PUSL1: variants seen among roughly 807,000 people sequenced by gnomAD.
The protein encoded by PUSL1 is tRNA pseudouridine synthase-like 1.
Under a neutral mutation model 30.7 loss-of-function variants are expected in PUSL1, and 51 were observed. The observed-to-expected ratio is 1.66, with a 90% CI of 1.33 to 2.10. PUSL1 has a LOEUF of 2.10. PUSL1 is among the 30% of genes most tolerant of loss of function. The pLI, the probability that PUSL1 is intolerant of heterozygous loss-of-function variation, is 0.00. For missense variants in PUSL1, 609 were observed against 427.6 expected, an observed-to-expected ratio of 1.42 and a Z score of -3.74; for synonymous variants, 290 against 192.1, an observed-to-expected ratio of 1.51 and a Z score of -4.21.
intron 5 of PUSL1, 71 bp from the exon 6 acceptor site, chr1:1,310,563 C>T: frequency 2.4e-6 from 3 of 1,246,414 alleles, no homozygotes; most frequent in Non-Finnish European, 3.4e-6. Flanking sequence ...ACTCTCCCGT[C>T]CAAGGCCACA....
In PUSL1 at chr1:1,309,201, C is replaced by G. The variant is rs777520065; in HGVS notation, c.251C>G (p.Ser84Ter). Reference protein sequence around the residue: ...NAAHLDVQRRSGRPPFPPEVL... With the variant: ...NAAHLDVQRR Reference sequence around the variant, plus strand: ...GCGCACCTGGACGTCCAGCGCCGCTCAGGCCGGCCGCCCTTCCCGCCCGAG... The same window carrying G: ...GCGCACCTGGACGTCCAGCGCCGCTGAGGCCGGCCGCCCTTCCCGCCCGAG... The change falls in exon 3 of 8, where the codon TCA becomes TGA. Residue 84 changes from serine to a stop codon, truncating the protein, a stop_gained. Transcript: ENST00000379031. LOFTEE classifies it high-confidence loss of function. The G allele has an allele frequency of 5.8e-5, 89 of 1,531,726 alleles. No homozygotes were observed. In the Admixed American group the frequency reaches 1.3e-3, roughly 23 times the overall value. 94.9% of individuals were successfully genotyped at this position (1,531,726 alleles called of 1,614,324 possible).
At position 1,308,710 on chromosome 1, in the gene PUSL1, A is replaced by T; in HGVS notation, c.67A>T (p.Thr23Ser). 1 of 1,555,704 alleles carries T rather than the reference A, an allele frequency of 6.4e-7. No individual in the cohort carries two copies. Residue 23 changes from threonine (T) to serine (S), a missense_variant, in exon 1 of 8, where the codon ACC (threonine) becomes TCC (serine). Physicochemically the swap from Thr to Ser is moderately conservative, Grantham distance 58. Coordinates refer to ENST00000379031, the MANE Select transcript of PUSL1 (RefSeq NM_153339.3). ...RYLVYFQYVGTDFNGVAAVRG... is the reference protein window; with the variant it reads ...RYLVYFQYVGSDFNGVAAVRG... Reference sequence around the variant, plus strand: ...TCTTGTGTACTTCCAGTACGTGGGCACCGACTTTAAGTAGGTTTCCCAGGC... The same window carrying T: ...TCTTGTGTACTTCCAGTACGTGGGCTCCGACTTTAAGTAGGTTTCCCAGGC...
rs761738651 is a variant in PUSL1, at chr1:1,309,450, A to G, written c.324-4A>G. ...CCTCCGGTGAGCTTTACCTGCCGCC[A>G]TAGGGTCCTGCGGGCCTTCCGAGTG... On this transcript the variant is annotated splice_region_variant and splice_polypyrimidine_tract_variant and intron_variant, in intron 3 of 7. Coordinates refer to ENST00000379031, the MANE Select transcript of PUSL1 (RefSeq NM_153339.3). 8.8e-6 allele frequency: 14 copies of G among 1,595,516 alleles called. No individual in the cohort carries two copies. The highest frequency in any genetic ancestry group is 9.4e-6 in the Non-Finnish European group (11 of 1,171,256).
Position 1,309,229 on chromosome 1 carries a change from C to T in PUSL1, c.279C>T (p.Val93=), listed in dbSNP as rs1165153470. ...RSGRPPFPPE[V]LAEALNTHLR... Reference sequence around the variant, plus strand: ...GCCGGCCGCCCTTCCCGCCCGAGGTCCTGGCCGAGGCCCTCAACACACACC... The same window carrying T: ...GCCGGCCGCCCTTCCCGCCCGAGGTTCTGGCCGAGGCCCTCAACACACACC... Residue 93 remains valine, a synonymous_variant, in exon 3 of 8, where the codon GTC becomes GTT. Coordinates refer to ENST00000379031, the MANE Select transcript of PUSL1 (RefSeq NM_153339.3). 5 of 1,518,462 alleles carry T rather than the reference C, an allele frequency of 3.3e-6. No homozygotes were observed. Among genetic ancestry groups the T allele is most frequent in the African/African-American group, 1.4e-5 (1 of 72,332 alleles). 94.1% of individuals were successfully genotyped at this position (1,518,462 alleles called of 1,614,324 possible).
intron 3 of PUSL1, 38 bp from the exon 4 acceptor site, chr1:1,309,415 CG>C: frequency 6.5e-7 from 1 of 1,547,544 alleles, no homozygotes; most frequent in Non-Finnish European, 8.7e-7. Flanking sequence ...CGCGGGCGGG[CG>C]GGGTCGTTCC....
chr1:1,310,596 A>G (rs1292040111), intron 5 of PUSL1, 38 bp from the exon 6 acceptor site: 4 of 1,467,658 alleles, frequency 2.7e-6, no homozygotes, highest in Non-Finnish European at 2.8e-6. Context: ...GATGGCAAAC[A>G]CTGCCCCACA....
intron 5 of PUSL1, chr1:1,310,247 G>A (rs1335602197): frequency 2.0e-5 from 7 of 342,316 alleles, no homozygotes; most frequent in African/African-American, 6.3e-5. Context: ...CCTGAAGGGG[G>A]GAAGAACTTC....
At position 1,309,291 on chromosome 1, in the gene PUSL1, G is replaced by A. The variant is rs774706740; in HGVS notation, c.323+18G>A. 45 of 1,470,386 alleles carry A rather than the reference G, an allele frequency of 3.1e-5. No homozygotes were observed. Among genetic ancestry groups the A allele is most frequent in the Non-Finnish European group, 3.6e-5 (40 of 1,111,102 alleles). The allele number at this position is 1,470,386 out of a possible 1,614,324, so 91.1% of individuals were successfully genotyped here. ...GCCATCAGGTGAGCCCGCGACCTAAGCAGCCCTGGGGCTGTGCCTTCCCGA... is the reference window on the plus strand; with the variant it reads ...GCCATCAGGTGAGCCCGCGACCTAAACAGCCCTGGGGCTGTGCCTTCCCGA... On this transcript the variant is annotated intron_variant, in intron 3 of 7. Coordinates refer to ENST00000379031, the MANE Select transcript of PUSL1 (RefSeq NM_153339.3).
Position 1,309,768 on chromosome 1 carries a change from G to C in PUSL1, c.561G>C (p.Pro187=). 1 of 1,574,912 alleles carries C rather than the reference G, an allele frequency of 6.3e-7. No homozygotes were observed. Among genetic ancestry groups the C allele is most frequent in the Middle Eastern group, 1.7e-4 (1 of 6,018 alleles). ...DFSAFQSAGS[P]VPSPVRTLRR... is the part of the protein sequence containing the mutation. ...GCGCCTTCCAGTCCGCTGGCAGCCCGGTGCCGAGCCCCGTGCGAACGCTGC... is the reference window on the plus strand; with the variant it reads ...GCGCCTTCCAGTCCGCTGGCAGCCCCGTGCCGAGCCCCGTGCGAACGCTGC... The change falls in exon 5 of 8, where the codon CCG becomes CCC. Residue 187 remains proline, a synonymous_variant. Coordinates refer to ENST00000379031, the MANE Select transcript of PUSL1 (RefSeq NM_153339.3).
rs901233168 is a variant in PUSL1 at position 1,309,472 on chromosome 1, A to C, written c.342A>C (p.Arg114=). 3.8e-5 allele frequency: 61 copies of C among 1,605,234 alleles called. No individual in the cohort carries two copies. Among genetic ancestry groups the C allele is most frequent in the Non-Finnish European group, 5.1e-5 (60 of 1,176,572 alleles). The change falls in exon 4 of 8, where the codon CGA becomes CGC. Residue 114 remains arginine (R), a synonymous_variant. Transcript: ENST00000379031. The stretch of plus-strand genomic sequence containing the variant: ...GCCATAGGGTCCTGCGGGCCTTCCG[A>C]GTGCCCAGCGACTTCCACGCTCGTC... The part of the protein sequence containing the change: ...HPAIRVLRAF[R]VPSDFHARHA...
Position 1,309,666 on chromosome 1 carries a change from C to G in PUSL1, c.474-15C>G. The G allele has an allele frequency of 6.3e-7, 1 of 1,596,278 alleles. No homozygotes were observed. Among genetic ancestry groups the G allele is most frequent in the Non-Finnish European group, 8.6e-7 (1 of 1,167,464 alleles). On this transcript the variant is annotated splice_polypyrimidine_tract_variant and intron_variant, in intron 4 of 7. Coordinates refer to ENST00000379031, the MANE Select transcript of PUSL1 (RefSeq NM_153339.3). ...GCCGGCCCCACCCTCCTGACGGTCA[C>G]CCTGGTCCCTGAAGCTGCCTGGATA...
Position 1,311,347 on chromosome 1 carries a change from C to G in PUSL1, c.880C>G (p.Leu294Val), listed in dbSNP as rs745791371. 5 of 1,592,014 alleles carry G rather than the reference C, an allele frequency of 3.1e-6. No individual in the cohort carries two copies. The highest frequency in any genetic ancestry group is 1.7e-5 in the Admixed American group (1 of 58,778). ...YGNLGAASCT[L>V]QGPQFGSHG The stretch of plus-strand genomic sequence containing the variant: ...GTCCACAGGTGCTGCCTCCTGCACC[C>G]TGCAGGGGCCACAGTTCGGGAGCCA... The change falls in exon 8 of 8, where the codon CTG (leucine) becomes GTG (valine). Residue 294 changes from leucine to valine, a missense_variant. Coordinates refer to ENST00000379031, the MANE Select transcript of PUSL1 (RefSeq NM_153339.3).
At position 1,308,632 on chromosome 1, in the gene PUSL1, C is replaced by T; in HGVS notation, c.-12C>T. ...TGGAGGCCGCCTCTGACGCCACCGG[C>T]TGGGCTCCGCCATGAGTTCGGCGCC... is the stretch of plus-strand genomic sequence containing the variant. On this transcript the variant is annotated 5_prime_UTR_variant, in exon 1 of 8. Coordinates refer to ENST00000379031, the MANE Select transcript of PUSL1 (RefSeq NM_153339.3). 2.7e-6 allele frequency: 4 copies of T among 1,478,124 alleles called. No homozygotes were observed. Among genetic ancestry groups the T allele is most frequent in the Non-Finnish European group, 3.6e-6 (4 of 1,114,854 alleles). 91.6% of individuals were successfully genotyped at this position (1,478,124 alleles called of 1,614,324 possible).
rs201576432 is a variant in PUSL1 at position 1,309,778 on chromosome 1, C to G, written c.571C>G (p.Pro191Ala). 1.4e-4 allele frequency: 218 copies of G among 1,566,864 alleles called. No individual in the cohort carries two copies. The African/African-American group carries it at 2.3e-3, about 17-fold the overall frequency. The part of the protein sequence containing the change: ...FQSAGSPVPS[P>A]VRTLRRVSVS... ...GTCCGCTGGCAGCCCGGTGCCGAGC[C>G]CCGTGCGAACGCTGCGCCGGGTCTC... The change falls in exon 5 of 8, where the codon CCC (proline) becomes GCC (alanine). Residue 191 changes from proline (P) to alanine (A), a missense_variant. Coordinates refer to ENST00000379031, the MANE Select transcript of PUSL1 (RefSeq NM_153339.3).
At chr1:1,310,537 T>G in intron 5 of PUSL1, 97 bp from the exon 6 acceptor site, 1 of 992,864 alleles carries the variant, frequency 1.0e-6, no homozygotes, top group Non-Finnish European at 1.5e-6. Context: ...AGGCTCGTCT[T>G]TAGGCCCACC....
At chr1:1,310,612 C>T (rs756645229) in intron 5 of PUSL1, 22 bp from the exon 6 acceptor site, 11 of 1,526,036 alleles carry the variant, frequency 7.2e-6, no homozygotes, top group Admixed American at 3.7e-5. Flanking sequence ...CCACAGACAC[C>T]TACAGGTACG....
chr1:1,309,797 G>T lies in PUSL1; in HGVS notation c.590G>T (p.Arg197Leu). 1 of 1,555,224 alleles carries T rather than the reference G, an allele frequency of 6.4e-7. No individual in the cohort carries two copies. Among genetic ancestry groups the T allele is most frequent in the Non-Finnish European group, 8.7e-7 (1 of 1,149,506 alleles). ...PVPSPVRTLR[R>L]VSVSPGQASP... is the part of the protein sequence containing the mutation. Reference sequence around the variant, plus strand: ...CCGAGCCCCGTGCGAACGCTGCGCCGGGTCTCCGTTTCCCCAGGCCAAGCC... The same window carrying T: ...CCGAGCCCCGTGCGAACGCTGCGCCTGGTCTCCGTTTCCCCAGGCCAAGCC... Residue 197 changes from arginine (R) to leucine (L), a missense_variant, in exon 5 of 8, where the codon CGG becomes CTG. By Grantham distance (102) the Arg-to-Leu change is moderately radical (BLOSUM62 -2). Coordinates refer to ENST00000379031, the MANE Select transcript of PUSL1 (RefSeq NM_153339.3).
rs371240561 is a variant in PUSL1, at chr1:1,310,694, C to T, written c.699+6C>T. On this transcript the variant is annotated splice_donor_region_variant and intron_variant, in intron 6 of 7. Coordinates refer to ENST00000379031, the MANE Select transcript of PUSL1 (RefSeq NM_153339.3). ...AGTCTTTCCTGTATAGACAGGTAGGCTCTGTTCTGGGGCCGTCCCCAGGGG... is the reference window on the plus strand; with the variant it reads ...AGTCTTTCCTGTATAGACAGGTAGGTTCTGTTCTGGGGCCGTCCCCAGGGG... 191 of 1,610,114 alleles carry T rather than the reference C, an allele frequency of 1.2e-4. No homozygotes were observed. The highest frequency in any genetic ancestry group is 1.5e-4 in the Non-Finnish European group (175 of 1,177,986).
intron 5 of PUSL1, 31 bp downstream of exon 5, chr1:1,309,882 C>T (rs1482954539): frequency 1.4e-6 from 2 of 1,450,264 alleles, no homozygotes; most frequent in African/African-American, 1.4e-5. Flanking sequence ...TGTGGCCCTG[C>T]CCTCAAGTCA....
Sources: gnomAD v4.1 joint callset for allele counts on GRCh38, gnomAD v4.1.1 for gene constraint, MANE v1.5 for transcripts, NCBI Gene and HGNC (gene_info 2026-07-23, HGNC 2026-07-21) for gene names.